SLIT3: variants seen among roughly 807,000 people sequenced by gnomAD.
The protein encoded by SLIT3 is slit homolog 3 protein.
A neutral mutation model predicts 184.0 loss-of-function variants in SLIT3; 68 were observed. The observed-to-expected ratio is 0.37, with a 90% CI of 0.30 to 0.45. The LOEUF (loss-of-function observed/expected upper bound fraction) is 0.45, where lower values mean the gene tolerates loss of function less well. Among genes scored for constraint, SLIT3 ranks in the 20% least tolerant of loss-of-function variants. SLIT3 has a pLI of 1.00. For missense variants in SLIT3, 1,707 were observed against 2,026.0 expected (o/e 0.84, Z 3.02); for synonymous variants, 831 against 828.6 (o/e 1.00, Z -0.05).
At chr5:169,190,983 G>C (rs1763532938) in intron 4 of SLIT3, among the ~76,000 whole-genome samples, 1 of 152,180 alleles carries the variant, frequency 6.6e-6, no homozygotes, top group African/African-American at 2.4e-5. Context: ...TAATATAGCT[G>C]CTTCAGTAAA....
rs149589911 is a variant in SLIT3 at position 169,183,111 on chromosome 5, C to T, written c.413+10368G>A. On this transcript the variant is annotated intron_variant, in intron 4 of 35. Transcript: ENST00000519560. ...CATTTCTGGGTTCTATACTCAGCATCCCAACCACCAGCACATTGGAGTGAC... is the reference window on the plus strand; with the variant it reads ...CATTTCTGGGTTCTATACTCAGCATTCCAACCACCAGCACATTGGAGTGAC... Among the ~76,000 whole-genome samples the T allele has an allele frequency of 1.3e-3, 196 of 152,310 alleles. 1 individual carries two copies. Among genetic ancestry groups the T allele is most frequent in the African/African-American group, 4.6e-3 (192 of 41,572 alleles).
intron 3 of SLIT3, among the ~76,000 whole-genome samples, chr5:169,212,412 GTCT>G (rs1376553112): frequency 6.6e-6 from 1 of 152,034 alleles, no homozygotes; most frequent in African/African-American, 2.4e-5. Flanking sequence ...CTGCATAAAT[GTCT>G]TCTTTTGAGA....
intron 2 of SLIT3, among the ~76,000 whole-genome samples, chr5:169,246,788 G>A (rs563839419): frequency 7.2e-5 from 11 of 151,742 alleles, no homozygotes; most frequent in African/African-American, 2.2e-4. Flanking sequence ...GTGTGGTGGT[G>A]CATGCCTGTA....
intron 3 of SLIT3, among the ~76,000 whole-genome samples, chr5:169,232,529 A>T (rs1458034497): frequency 6.6e-6 from 1 of 152,158 alleles, no homozygotes; most frequent in Non-Finnish European, 1.5e-5. Flanking sequence ...CCGGCCAAAA[A>T]ATATTGTTAT....
At chr5:168,825,428 G>A (rs1417048811) in intron 6 of SLIT3, among the ~76,000 whole-genome samples, 1 of 152,128 alleles carries the variant, frequency 6.6e-6, no homozygotes, top group Non-Finnish European at 1.5e-5. Flanking sequence ...CGTGGTGAAA[G>A]GCACAGAACC....
intron 4 of SLIT3, among the ~76,000 whole-genome samples, chr5:169,040,261 T>C (rs1489496277): frequency 2.0e-5 from 3 of 152,258 alleles, no homozygotes; most frequent in East Asian, 3.9e-4. Flanking sequence ...TACTTTTCTA[T>C]ATTGGCTCAA....
In SLIT3 at chr5:168,823,598, G is replaced by C. The variant is rs193096329; in HGVS notation, c.558-267C>G. Among the ~76,000 whole-genome samples the C allele has an allele frequency of 5.9e-5, 9 of 152,244 alleles. No homozygotes were observed. In the East Asian group the frequency reaches 1.5e-3, roughly 26 times the overall value. On this transcript the variant is annotated intron_variant, in intron 6 of 35. Transcript: ENST00000519560. ...ACCTTGAGTAAGAGTATCGCTTCCT[G>C]AAACCCTCCTATGCACTGAGTGCTT... is the stretch of plus-strand genomic sequence containing the variant.
At chr5:169,029,635 C>T (rs548090538) in intron 4 of SLIT3, among the ~76,000 whole-genome samples, 7 of 152,176 alleles carry the variant, frequency 4.6e-5, no homozygotes, top group African/African-American at 1.2e-4. Context: ...AACTGGAACT[C>T]GATTAGTAAC....
Position 169,251,327 on chromosome 5 carries a change from T to A in SLIT3, c.269+61A>T, listed in dbSNP as rs566281474. On this transcript the variant is annotated intron_variant, in intron 2 of 35. Transcript: ENST00000519560. Reference sequence around the variant, plus strand: ...GTGTGATGTCAGGGGCAGTGGAACATTTTTTTGTGAGGCTGAAGAGCTAAA... The same window carrying A: ...GTGTGATGTCAGGGGCAGTGGAACAATTTTTTGTGAGGCTGAAGAGCTAAA... The A allele has an allele frequency of 2.4e-4, 287 of 1,204,778 alleles. 5 individuals carry two copies. The South Asian group carries it at 3.3e-3, about 14-fold the overall frequency. The allele number at this position is 1,204,778 out of a possible 1,614,324, so 74.6% of individuals were successfully genotyped here.
At chr5:168,783,736 C>T (rs1452200338) in intron 12 of SLIT3, among the ~76,000 whole-genome samples, 6 of 152,114 alleles carry the variant, frequency 3.9e-5, no homozygotes, top group Admixed American at 1.3e-4. Flanking sequence ...TAAATTAGAT[C>T]GAATCAGGGC....
At chr5:169,010,173 A>T (rs1367033441) in intron 4 of SLIT3, among the ~76,000 whole-genome samples, 1 of 152,210 alleles carries the variant, frequency 6.6e-6, no homozygotes, top group Non-Finnish European at 1.5e-5. Flanking sequence ...GCGGTGTGGA[A>T]TGTTTAGGCA....
intron 4 of SLIT3, among the ~76,000 whole-genome samples, chr5:169,168,934 T>C (rs1170218172): frequency 1.3e-5 from 2 of 152,222 alleles, no homozygotes; most frequent in East Asian, 3.9e-4. Context: ...CACTCAGCTC[T>C]ATGCTCCTCT....
At chr5:169,173,725 A>C (rs1010013888) in intron 4 of SLIT3, among the ~76,000 whole-genome samples, 9 of 152,222 alleles carry the variant, frequency 5.9e-5, no homozygotes, top group African/African-American at 2.2e-4. Context: ...ATTAAATTGC[A>C]TGGCACTCTA....
At chr5:169,102,379 G>C (rs1482795019) in intron 4 of SLIT3, among the ~76,000 whole-genome samples, 2 of 152,062 alleles carry the variant, frequency 1.3e-5, no homozygotes, top group African/African-American at 4.8e-5. Context: ...GTGGGGGATT[G>C]GTTTCAGAAC....
chr5:168,744,950 A>G (rs1269384763), intron 20 of SLIT3, among the ~76,000 whole-genome samples: 1 of 152,238 alleles, frequency 6.6e-6, no homozygotes, highest in Non-Finnish European at 1.5e-5. Flanking sequence ...TAAGGCCATA[A>G]CTGCCATAGA....
At chr5:168,728,881 G>A (rs1435217401) in intron 20 of SLIT3, among the ~76,000 whole-genome samples, 1 of 151,100 alleles carries the variant, frequency 6.6e-6, no homozygotes, top group Admixed American at 6.6e-5. Flanking sequence ...TCACACCACT[G>A]CACTTCAGCT....
chr5:169,116,351 G>A (rs183356478), intron 4 of SLIT3, among the ~76,000 whole-genome samples: 6 of 152,204 alleles, frequency 3.9e-5, no homozygotes, highest in East Asian at 3.9e-4. Flanking sequence ...AAACATGAGC[G>A]GAGATCATAC....
At chr5:169,203,578 T>C (rs569689839) in intron 3 of SLIT3, among the ~76,000 whole-genome samples, 11 of 152,312 alleles carry the variant, frequency 7.2e-5, no homozygotes, top group African/African-American at 2.4e-4. Context: ...CTCCTGGATC[T>C]CTTTTGAGAT....
At chr5:169,193,626 C>A in intron 3 of SLIT3, 76 bp from the exon 4 acceptor site, 1 of 1,044,722 alleles carries the variant, frequency 9.6e-7, no homozygotes, top group South Asian at 1.3e-5. Flanking sequence ...CCACTTTAAT[C>A]AATCAGTCAA....
Sources: allele counts gnomAD v4.1 joint callset (sites outside exome capture counted in the v4.1 genomes callset), GRCh38; gene constraint gnomAD v4.1.1; transcripts MANE v1.5; gene names NCBI Gene and HGNC (gene_info 2026-07-23, HGNC 2026-07-21).